The following PRCD variants were observed in gnomAD, a reference collection of about 807,000 sequenced individuals.
The protein encoded by PRCD is photoreceptor disk component PRCD.
PRCD carries 12 observed loss-of-function variants against 10.1 expected under a neutral mutation model. That is an observed-to-expected ratio of 1.18 (90% CI 0.76 to 1.92). The LOEUF (loss-of-function observed/expected upper bound fraction) is 1.92, where lower values mean the gene tolerates loss of function less well. Among genes scored for constraint, PRCD ranks in the 40% most tolerant of loss-of-function variants. The pLI, the probability that PRCD is intolerant of heterozygous loss-of-function variation, is 0.00. For missense variants in PRCD, 61 were observed against 72.2 expected, an observed-to-expected ratio of 0.84 and a Z score of 0.56; for synonymous variants, 31 against 26.2, an observed-to-expected ratio of 1.18 and a Z score of -0.56.
chr17:76,529,870 G>A (rs754805496), intron 1 of PRCD: 130 of 985,218 alleles, frequency 1.3e-4, no homozygotes, highest in Non-Finnish European at 1.5e-4. Flanking sequence ...CCAGCCAGCA[G>A]TTCCCGAGGA....
rs895209312 is a variant in PRCD at position 76,533,450 on chromosome 17, C to T, written n.45+5617C>T. Among the ~76,000 whole-genome samples the T allele has an allele frequency of 5.3e-5, 8 of 152,216 alleles. No individual in the cohort carries two copies. The highest frequency in any genetic ancestry group is 1.9e-4 in the African/African-American group (8 of 41,444). The stretch of plus-strand genomic sequence containing the variant: ...AATAAAAAATAATGATATGGCCGGG[C>T]ACGGTGGCTCACGCCTATAATCCTA... On this transcript the variant is annotated intron_variant and non_coding_transcript_variant, in intron 1 of 4. Transcript: ENST00000397633. The surrounding 1 kb of genome is among the most constrained non-coding windows in gnomAD (Gnocchi z 4.5).
upstream of PRCD, chr17:76,537,537 C>T (rs2074933201): frequency 6.5e-7 from 1 of 1,548,810 alleles, no homozygotes; most frequent in Admixed American, 1.9e-5. Context: ...CTGGCACTTT[C>T]TCCATGAGCA....
At chr17:76,529,910 A>C (rs2074814556) in intron 1 of PRCD, 1 of 985,006 alleles carries the variant, frequency 1.0e-6, no homozygotes. Flanking sequence ...TGCTGACGGG[A>C]GAGGGGGGAG....
At position 76,528,645 on chromosome 17, in the gene PRCD, T is replaced by C; in HGVS notation, n.45+812T>C. On this transcript the variant is annotated intron_variant and non_coding_transcript_variant, in intron 1 of 4. Coordinates refer to the PRCD transcript ENST00000397633. The surrounding 1 kb of genome is among the most constrained non-coding windows in gnomAD (Gnocchi z 5.8). ...GAGATAGGAAGGGAAGGACAAACGT[T>C]ACCAGAGGCAGGGAAGGACCCTCGG... 1 of 1,266,688 alleles carries C rather than the reference T, an allele frequency of 7.9e-7. No individual in the cohort carries two copies. Among genetic ancestry groups the C allele is most frequent in the Non-Finnish European group, 1.0e-6 (1 of 997,614 alleles). 78.5% of individuals were successfully genotyped at this position (1,266,688 alleles called of 1,614,324 possible).
upstream of PRCD, chr17:76,538,481 C>T (rs1598209626): frequency 8.6e-6 from 4 of 465,908 alleles, no homozygotes; most frequent in African/African-American, 2.0e-5. Context: ...CCAGAAGTCC[C>T]CCGTGGCTTA....
In PRCD at chr17:76,544,020, C is replaced by A. The variant is rs2075023716; in HGVS notation, c.*370C>A. On this transcript the variant is annotated 3_prime_UTR_variant, in exon 5 of 5. Transcript: ENST00000592014. ...ACTTGTTTTTATCAATTTGCTGATGCTCAGTCCCGGCGGCTGCCTCCTTTG... is the reference window on the plus strand; with the variant it reads ...ACTTGTTTTTATCAATTTGCTGATGATCAGTCCCGGCGGCTGCCTCCTTTG... 2.2e-6 allele frequency: 1 copy of A among 455,870 alleles called. No individual in the cohort carries two copies. The highest frequency in any genetic ancestry group is 4.4e-6 in the Non-Finnish European group (1 of 226,970). The allele number at this position is 455,870 out of a possible 1,614,324, so 28.2% of individuals were successfully genotyped here. A position where few individuals can be genotyped will look rare whatever the true frequency, so the allele number is the denominator to read the frequency against.
chr17:76,534,174 C>CTCTCTCTCTT (rs1567907867), intron 1 of PRCD, among the ~76,000 whole-genome samples: 9 of 106,070 alleles, frequency 8.5e-5, no homozygotes, highest in East Asian at 6.6e-4. Flanking sequence ...CTCTCTCTCT[C>CTCTCTCTCTT]TCTTTCTTTC....
At chr17:76,537,588 CG>C (rs776451363), upstream of PRCD, 2 of 1,047,462 alleles carry the variant, frequency 1.9e-6, no homozygotes, top group Non-Finnish European at 2.3e-6. Context: ...GCGGCGGTGG[CG>C]GGGCGCGGGG....
intron 1 of PRCD, chr17:76,527,937 C>T (rs143827746): frequency 6.2e-5 from 24 of 389,518 alleles, no homozygotes; most frequent in Admixed American, 1.4e-4. Flanking sequence ...TGGGCTTTGC[C>T]GCCAAGCCGG....
Position 76,544,638 on chromosome 17 carries a change from T to C in PRCD, c.*988T>C, listed in dbSNP as rs1466236482. On this transcript the variant is annotated 3_prime_UTR_variant, in exon 5 of 5. Transcript: ENST00000592014. ...TCGCCTGTCTCAGCTCCTGTCAGCC[T>C]GTCTCTCTCTTTGGAGGCATCGGCC... is the stretch of plus-strand genomic sequence containing the variant. 4 of 456,662 alleles carry C rather than the reference T, an allele frequency of 8.8e-6. No individual in the cohort carries two copies. The highest frequency in any genetic ancestry group is 1.3e-5 in the Non-Finnish European group (3 of 226,988). 28.3% of individuals were successfully genotyped at this position (456,662 alleles called of 1,614,324 possible).
At position 76,531,183 on chromosome 17, in the gene PRCD, C is replaced by T. The variant is rs767452021; in HGVS notation, n.45+3350C>T. 3.1e-6 allele frequency: 5 copies of T among 1,589,702 alleles called. No individual in the cohort carries two copies. The Admixed American group carries it at 5.1e-5, about 16-fold the overall frequency. ...GGAAGGGGGAGTGAACGCCCGGGCG[C>T]CCTGCGTCCTGCAACCCCCAGGCCC... On this transcript the variant is annotated intron_variant and non_coding_transcript_variant, in intron 1 of 4. Coordinates refer to the PRCD transcript ENST00000397633. This position sits in a 1 kb window ranked among gnomAD's most constrained non-coding sequence, Gnocchi z 7.4.
chr17:76,537,325 G>A (rs1475465388), upstream of PRCD: 5 of 1,431,518 alleles, frequency 3.5e-6, no homozygotes, highest in African/African-American at 1.5e-5. Flanking sequence ...GCTCGGACCC[G>A]GGCCCAGCCC....
At chr17:76,534,915 A>AGG (rs1372440459) in intron 1 of PRCD, among the ~76,000 whole-genome samples, 1 of 151,928 alleles carries the variant, frequency 6.6e-6, no homozygotes, top group Non-Finnish European at 1.5e-5. Context: ...CGGTGTTTCC[A>AGG]CCTGAGACCC....
chr17:76,534,887 T>G (rs759394535), intron 1 of PRCD, among the ~76,000 whole-genome samples: 1 of 152,164 alleles, frequency 6.6e-6, no homozygotes, highest in African/African-American at 2.4e-5. Context: ...TGTGCCTGGC[T>G]CCTTCCTCCT....
At chr17:76,532,085 G>T (rs2074851055) in intron 1 of PRCD, 1 of 173,656 alleles carries the variant, frequency 5.8e-6, no homozygotes, top group African/African-American at 2.4e-5. Context: ...GACTGAAATT[G>T]TTCTGACTCT....
rs1036106335 is a variant in PRCD at position 76,530,767 on chromosome 17, C to T, written n.45+2934C>T. The stretch of plus-strand genomic sequence containing the variant: ...TTTGGGAGGATTTTTGCTCAGGGCT[C>T]ATGGCTCTGAGCAGCCTGAAGTCAC... On this transcript the variant is annotated intron_variant and non_coding_transcript_variant, in intron 1 of 4. Transcript: ENST00000397633. The surrounding 1 kb of genome is among the most constrained non-coding windows in gnomAD (Gnocchi z 6.1). Among the ~76,000 whole-genome samples the T allele has an allele frequency of 6.6e-5, 10 of 152,118 alleles. No homozygotes were observed. The highest frequency in any genetic ancestry group is 5.9e-5 in the Non-Finnish European group (4 of 68,000).
At position 76,540,767 on chromosome 17, in the gene PRCD, C is replaced by G. The variant is rs768733730; in HGVS notation, c.143+194C>G. ...TGTTTTCTGCGGTTGGGAATGGGAA[C>G]CCTCAGCTCGCTCCTCTGGACCAAA... On this transcript the variant is annotated intron_variant, in intron 2 of 4. Coordinates refer to ENST00000592014, the MANE Select transcript of PRCD (RefSeq NM_001077620.3). This position sits in a 1 kb window ranked among gnomAD's most constrained non-coding sequence, Gnocchi z 5.0. 2.6e-5 allele frequency among the ~76,000 whole-genome samples: 4 copies of G among 152,216 alleles called. No individual in the cohort carries two copies. The highest frequency in any genetic ancestry group is 4.8e-5 in the African/African-American group (2 of 41,448).
chr17:76,539,743 CCT>C (rs1363995949), upstream of PRCD, among the ~76,000 whole-genome samples: 1 of 152,144 alleles, frequency 6.6e-6, no homozygotes, highest in Non-Finnish European at 1.5e-5. Flanking sequence ...TAAACGTTGC[CCT>C]GATGCCTGCA....
At position 76,531,659 on chromosome 17, in the gene PRCD, T is replaced by C. The variant is rs2074845825; in HGVS notation, n.45+3826T>C. 1 of 1,602,676 alleles carries C rather than the reference T, an allele frequency of 6.2e-7. No individual in the cohort carries two copies. The highest frequency in any genetic ancestry group is 8.5e-7 in the Non-Finnish European group (1 of 1,170,508). ...CTCCATGTGCTTGAACTGGCTGAAG[T>C]ACTGCTTGGCCGAGGGGAAGTTCAC... On this transcript the variant is annotated intron_variant and non_coding_transcript_variant, in intron 1 of 4. Transcript: ENST00000397633. This position sits in a 1 kb window ranked among gnomAD's most constrained non-coding sequence, Gnocchi z 7.4.
Sources: gnomAD v4.1 joint callset for allele counts (sites outside exome capture counted in the v4.1 genomes callset) on GRCh38, gnomAD v4.1.1 for gene constraint, Gnocchi (gnomAD v3.1) non-coding constraint, MANE v1.5 for transcripts, NCBI Gene and HGNC (gene_info 2026-07-23, HGNC 2026-07-21) for gene names.